The following LRRTM4 variants were observed in gnomAD, a reference collection of about 807,000 sequenced individuals.
The protein encoded by LRRTM4 is leucine rich repeat transmembrane neuronal 4.
LRRTM4 carries 25 observed loss-of-function variants against 47.6 expected under a neutral mutation model. The observed-to-expected ratio is 0.53, with a 90% CI of 0.38 to 0.73. The LOEUF (loss-of-function observed/expected upper bound fraction) is 0.73, where lower values mean the gene tolerates loss of function less well. Ranked by LOEUF, LRRTM4 falls within the 30% of genes least tolerant of loss-of-function variation. LRRTM4 has a pLI of 0.00. For missense variants in LRRTM4, 638 were observed against 713.4 expected, an observed-to-expected ratio of 0.89 and a Z score of 1.20; for synonymous variants, 311 against 269.5, an observed-to-expected ratio of 1.15 and a Z score of -1.51.
chr2:77,477,924 A>AAAG (rs1331994433), intron 3 of LRRTM4, among the ~76,000 whole-genome samples: 7 of 95,184 alleles, frequency 7.4e-5, no homozygotes, highest in African/African-American at 2.7e-4. Flanking sequence ...AGAAAGAAAG[A>AAAG]AAGAAAGAAA....
intron 3 of LRRTM4, among the ~76,000 whole-genome samples, chr2:77,237,612 T>TG (rs1244295408): frequency 6.6e-6 from 1 of 152,146 alleles, no homozygotes; most frequent in East Asian, 1.9e-4. Context: ...CTGCTAGCTT[T>TG]GGGGGTGTTT....
chr2:77,225,691 A>G (rs937655388), intron 3 of LRRTM4, among the ~76,000 whole-genome samples: 1 of 152,130 alleles, frequency 6.6e-6, no homozygotes, highest in Non-Finnish European at 1.5e-5. Context: ...CTACACCTAT[A>G]TATTCTGTGG....
In LRRTM4 at chr2:77,465,931, G is replaced by T. The variant is rs1221722585; in HGVS notation, c.1551+52387C>A. 7.9e-3 allele frequency among the ~76,000 whole-genome samples: 1,203 copies of T among 152,212 alleles called. 5 individuals are homozygous for T. Among genetic ancestry groups the T allele is most frequent in the Non-Finnish European group, 0.012 (787 of 68,004 alleles). Reference sequence around the variant, plus strand: ...TGGCACCTAGGTAATGATAAAAGCAGCAGGCTTCTCAAATGCAATATGGAC... The same window carrying T: ...TGGCACCTAGGTAATGATAAAAGCATCAGGCTTCTCAAATGCAATATGGAC... On this transcript the variant is annotated intron_variant, in intron 3 of 3. Coordinates refer to ENST00000409884, the MANE Select transcript of LRRTM4 (RefSeq NM_001134745.3).
intron 3 of LRRTM4, among the ~76,000 whole-genome samples, chr2:76,783,943 A>G (rs1674531474): frequency 6.6e-6 from 1 of 152,222 alleles, no homozygotes; most frequent in African/African-American, 2.4e-5. Flanking sequence ...ATGATTCATT[A>G]GTAAAAATGT....
rs184871774 is a variant in LRRTM4, at chr2:76,784,965, G to A, written c.1552-36049C>T. Among the ~76,000 whole-genome samples the A allele has an allele frequency of 1.6e-4, 24 of 152,182 alleles. No individual in the cohort carries two copies. In the East Asian group the frequency reaches 3.5e-3, roughly 22 times the overall value. On this transcript the variant is annotated intron_variant, in intron 3 of 3. Coordinates refer to ENST00000409884, the MANE Select transcript of LRRTM4 (RefSeq NM_001134745.3). ...TGAGTGGCAGATTGCACTTCAGAAT[G>A]TATCACACCAATTTAGGACTTTCAT...
chr2:76,964,536 G>C (rs1374676410), intron 3 of LRRTM4, among the ~76,000 whole-genome samples: 1 of 150,448 alleles, frequency 6.6e-6, no homozygotes, highest in Non-Finnish European at 1.5e-5. Flanking sequence ...ATTCTACAGG[G>C]GTCTGTACTC....
intron 3 of LRRTM4, among the ~76,000 whole-genome samples, chr2:77,267,401 C>A (rs2104059389): frequency 6.6e-6 from 1 of 152,262 alleles, no homozygotes; most frequent in East Asian, 1.9e-4. Context: ...TTCTAAGATG[C>A]CACCTTGAAT....
At chr2:76,957,968 A>C (rs1675731455) in intron 3 of LRRTM4, among the ~76,000 whole-genome samples, 2 of 151,576 alleles carry the variant, frequency 1.3e-5, no homozygotes, top group South Asian at 4.1e-4. Context: ...AATTTTAATC[A>C]ACATAAAGTC....
At chr2:77,352,534 G>A (rs905939687) in intron 3 of LRRTM4, among the ~76,000 whole-genome samples, 3 of 152,082 alleles carry the variant, frequency 2.0e-5, no homozygotes, top group African/African-American at 4.8e-5. Flanking sequence ...GGACATAGTT[G>A]TAATCAGAAG....
chr2:77,188,456 T>A (rs888419083), intron 3 of LRRTM4, among the ~76,000 whole-genome samples: 1 of 152,170 alleles, frequency 6.6e-6, no homozygotes, highest in Non-Finnish European at 1.5e-5. Flanking sequence ...TCCTAAATAT[T>A]TGATCACCGT....
chr2:77,132,270 C>A (rs1167879758), intron 3 of LRRTM4, among the ~76,000 whole-genome samples: 1 of 152,110 alleles, frequency 6.6e-6, no homozygotes, highest in African/African-American at 2.4e-5. Context: ...TGGCTTATTT[C>A]ACTTAGCATA....
intron 3 of LRRTM4, among the ~76,000 whole-genome samples, chr2:76,777,599 A>C (rs1288694919): frequency 6.7e-6 from 1 of 148,462 alleles, no homozygotes; most frequent in Admixed American, 6.7e-5. Context: ...TGATTTTTGC[A>C]CATTGATTTT....
At chr2:77,386,971 A>G (rs1673304699) in intron 3 of LRRTM4, among the ~76,000 whole-genome samples, 1 of 151,994 alleles carries the variant, frequency 6.6e-6, no homozygotes, top group African/African-American at 2.4e-5. Flanking sequence ...TATTACATTC[A>G]CTCAATTTTA....
At chr2:77,453,005 T>G (rs1676321349) in intron 3 of LRRTM4, among the ~76,000 whole-genome samples, 1 of 151,926 alleles carries the variant, frequency 6.6e-6, no homozygotes, top group Admixed American at 6.6e-5. Context: ...CCATGCATAC[T>G]TGAAATTAAT....
intron 3 of LRRTM4, among the ~76,000 whole-genome samples, chr2:77,454,151 T>C: frequency 6.6e-6 from 1 of 152,220 alleles, no homozygotes; most frequent in Admixed American, 6.5e-5. Flanking sequence ...AATTATTCTA[T>C]AATGTCTATT....
At chr2:77,049,950 C>G (rs1307663686) in intron 3 of LRRTM4, among the ~76,000 whole-genome samples, 1 of 151,940 alleles carries the variant, frequency 6.6e-6, no homozygotes, top group East Asian at 1.9e-4. Flanking sequence ...ATTTAAAAAG[C>G]AGTGAAATGA....
At chr2:76,992,983 T>A (rs1026058402) in intron 3 of LRRTM4, among the ~76,000 whole-genome samples, 1 of 151,710 alleles carries the variant, frequency 6.6e-6, no homozygotes, top group Non-Finnish European at 1.5e-5. Context: ...CCTACAACCA[T>A]CTGATCTTTG....
chr2:77,465,281 T>G (rs1487836553), intron 3 of LRRTM4, among the ~76,000 whole-genome samples: 1 of 152,178 alleles, frequency 6.6e-6, no homozygotes, highest in Non-Finnish European at 1.5e-5. Flanking sequence ...AATATTTCCT[T>G]TAGCTCGTTA....
At chr2:77,168,273 T>G (rs1417774616) in intron 3 of LRRTM4, among the ~76,000 whole-genome samples, 1 of 152,116 alleles carries the variant, frequency 6.6e-6, no homozygotes, top group East Asian at 1.9e-4. Flanking sequence ...TGTATCTTTA[T>G]TTTTCTAACA....
Sources: allele counts gnomAD v4.1 joint callset (sites outside exome capture counted in the v4.1 genomes callset), GRCh38; gene constraint gnomAD v4.1.1; transcripts MANE v1.5; gene names NCBI Gene and HGNC (gene_info 2026-07-23, HGNC 2026-07-21).